Variants in SCAPER observed in about 807,000 individuals in gnomAD.
SCAPER encodes the protein S-phase cyclin A associated protein in the ER, also known as S phase cyclin A-associated protein in the endoplasmic reticulum.
SCAPER carries 98 observed loss-of-function variants against 182.2 expected under a neutral mutation model. The ratio of observed to expected loss-of-function variants is 0.54; its 90% CI spans 0.46 to 0.64. The LOEUF (loss-of-function observed/expected upper bound fraction) is 0.64. Among genes scored for constraint, SCAPER ranks in the 30% least tolerant of loss-of-function variants. SCAPER has a pLI of 0.00. For missense variants in SCAPER, 1,432 were observed against 1,690.0 expected (o/e 0.85, Z 2.68); for synonymous variants, 605 against 564.6 (o/e 1.07, Z -1.01).
intron 24 of SCAPER, among the ~76,000 whole-genome samples, chr15:76,476,507 C>T: frequency 6.6e-6 from 1 of 151,654 alleles, no homozygotes; most frequent in Non-Finnish European, 1.5e-5. Context: ...TAGCTCAATG[C>T]AGCCTGAAAC....
chr15:76,683,611 T>C (rs554504592), intron 20 of SCAPER, among the ~76,000 whole-genome samples: 33 of 151,686 alleles, frequency 2.2e-4, no homozygotes, highest in African/African-American at 8.0e-4. Flanking sequence ...AGTCATCAGG[T>C]TTCCCAAGGT....
chr15:76,745,947 A>T (rs565824617), intron 15 of SCAPER, among the ~76,000 whole-genome samples: 44 of 152,340 alleles, frequency 2.9e-4, no homozygotes, highest in Non-Finnish European at 5.1e-4. Context: ...AAAAATACTA[A>T]TAATACATAG....
At chr15:76,467,003 T>C (rs998659685) in intron 25 of SCAPER, among the ~76,000 whole-genome samples, 1 of 152,096 alleles carries the variant, frequency 6.6e-6, no homozygotes, top group African/African-American at 2.4e-5. Flanking sequence ...CCCCTTGCTG[T>C]TCTTGTGATA....
intron 20 of SCAPER, among the ~76,000 whole-genome samples, chr15:76,680,790 C>T (rs954939991): frequency 2.0e-5 from 3 of 152,142 alleles, no homozygotes; most frequent in Admixed American, 2.0e-4. Flanking sequence ...CTGAGGACCT[C>T]ACTATGTGCT....
chr15:76,784,317 C>G lies in SCAPER; in HGVS notation c.773-9200G>C, dbSNP rs144045774. ...CAAAGAGAATAAAATACCTAGGAAACCAACTTACAAGGGACGTGAAGGATC... is the reference window on the plus strand; with the variant it reads ...CAAAGAGAATAAAATACCTAGGAAAGCAACTTACAAGGGACGTGAAGGATC... On this transcript the variant is annotated intron_variant, in intron 8 of 31. Coordinates refer to ENST00000563290, the MANE Select transcript of SCAPER (RefSeq NM_020843.4). Among the ~76,000 whole-genome samples the G allele has an allele frequency of 5.9e-5, 9 of 152,240 alleles. No individual in the cohort carries two copies. The East Asian group carries it at 1.7e-3, about 29-fold the overall frequency.
intron 17 of SCAPER, among the ~76,000 whole-genome samples, chr15:76,709,286 C>T (rs1311364049): frequency 6.6e-6 from 1 of 152,024 alleles, no homozygotes; most frequent in Non-Finnish European, 1.5e-5. Flanking sequence ...CACGTGCCAC[C>T]ATGCACGCCC....
chr15:76,457,803 T>G (rs1423899956), intron 25 of SCAPER, among the ~76,000 whole-genome samples: 2 of 152,154 alleles, frequency 1.3e-5, no homozygotes, highest in Admixed American at 6.5e-5. Flanking sequence ...AAAGTAAAAT[T>G]TAACCATCAC....
intron 25 of SCAPER, among the ~76,000 whole-genome samples, chr15:76,455,552 A>G (rs1229657959): frequency 6.6e-6 from 1 of 152,192 alleles, no homozygotes; most frequent in Non-Finnish European, 1.5e-5. Flanking sequence ...ATCATAATGC[A>G]CCACAGCTTT....
In SCAPER at chr15:76,614,046, C is replaced by T. The variant is rs900354745; in HGVS notation, c.2711+7718G>A. On this transcript the variant is annotated intron_variant, in intron 22 of 31. Transcript: ENST00000563290. Reference sequence around the variant, plus strand: ...ATAAAGAAAATGTGGTATGTATACACCATGGAATATAATACAGCCATAAGA... The same window carrying T: ...ATAAAGAAAATGTGGTATGTATACATCATGGAATATAATACAGCCATAAGA... 1.2e-4 allele frequency among the ~76,000 whole-genome samples: 18 copies of T among 152,254 alleles called. 1 individual carries two copies. The highest frequency in any genetic ancestry group is 3.9e-4 in the African/African-American group (16 of 41,536).
chr15:76,772,090 C>G, intron 9 of SCAPER, 136 bp from the exon 10 acceptor site: 1 of 661,532 alleles, frequency 1.5e-6, no homozygotes, highest in South Asian at 2.0e-5. Flanking sequence ...AAAATTTACT[C>G]ATCTTTTTTG....
At chr15:76,517,484 G>C (rs1166304889) in intron 23 of SCAPER, among the ~76,000 whole-genome samples, 4 of 151,596 alleles carry the variant, frequency 2.6e-5, no homozygotes, top group African/African-American at 9.7e-5. Context: ...CAGGTAGCTG[G>C]GACTACAGGC....
At chr15:76,881,009 A>G (rs896122568) in intron 2 of SCAPER, among the ~76,000 whole-genome samples, 6 of 152,232 alleles carry the variant, frequency 3.9e-5, no homozygotes, top group Non-Finnish European at 8.8e-5. Context: ...TCCTCCAAAC[A>G]TTAAAAATAG....
At chr15:76,563,364 C>G (rs1279860049) in intron 23 of SCAPER, among the ~76,000 whole-genome samples, 1 of 152,096 alleles carries the variant, frequency 6.6e-6, no homozygotes, top group Non-Finnish European at 1.5e-5. Flanking sequence ...CACAGAAATA[C>G]AAGCAACAAT....
chr15:76,415,092 A>G (rs551508420), intron 26 of SCAPER, among the ~76,000 whole-genome samples: 3 of 152,332 alleles, frequency 2.0e-5, no homozygotes, highest in Non-Finnish European at 4.4e-5. Context: ...CGACAAAAAC[A>G]AAACATTGCA....
At chr15:76,374,596 C>T (rs977738134) in intron 29 of SCAPER, among the ~76,000 whole-genome samples, 2 of 151,406 alleles carry the variant, frequency 1.3e-5, no homozygotes, top group Middle Eastern at 3.2e-3. Flanking sequence ...ATTCTCCTGC[C>T]TCAGCCTCCC....
intron 24 of SCAPER, among the ~76,000 whole-genome samples, chr15:76,500,603 G>A (rs769349146): frequency 2.6e-5 from 4 of 152,106 alleles, no homozygotes; most frequent in Admixed American, 2.0e-4. Context: ...GCTGCTTCTA[G>A]TCACAGCAGA....
intron 23 of SCAPER, chr15:76,567,428 A>T (rs1392873121): frequency 2.4e-6 from 1 of 419,232 alleles, no homozygotes; most frequent in Non-Finnish European, 4.8e-6. Context: ...TATGATACAC[A>T]TGTCTACAAA....
chr15:76,485,844 GA>G (rs1172407172), intron 24 of SCAPER, among the ~76,000 whole-genome samples: 1 of 152,198 alleles, frequency 6.6e-6, no homozygotes, highest in Non-Finnish European at 1.5e-5. Context: ...GCAGAAGACT[GA>G]AACTGGGCCC....
chr15:76,544,543 T>C (rs937595611), intron 23 of SCAPER, among the ~76,000 whole-genome samples: 1 of 152,190 alleles, frequency 6.6e-6, no homozygotes, highest in Non-Finnish European at 1.5e-5. Flanking sequence ...ATTTATCTAA[T>C]GTGAAAGAAG....
Sources: allele counts gnomAD v4.1 joint callset (sites outside exome capture counted in the v4.1 genomes callset), GRCh38; gene constraint gnomAD v4.1.1; transcripts MANE v1.5; gene names NCBI Gene and HGNC (gene_info 2026-07-23, HGNC 2026-07-21).